DPP6: variants seen among roughly 807,000 people sequenced by gnomAD.
DPP6 encodes A-type potassium channel modulatory protein DPP6.
In DPP6, 69 loss-of-function variants were observed where a neutral mutation model predicts 122.6. The ratio of observed to expected loss-of-function variants is 0.56; its 90% CI spans 0.46 to 0.69. The LOEUF (loss-of-function observed/expected upper bound fraction) is 0.69. Ranked by LOEUF, DPP6 falls within the 30% of genes least tolerant of loss-of-function variation. DPP6 has a pLI of 0.00. For missense variants in DPP6, 928 were observed against 1,116.9 expected, an observed-to-expected ratio of 0.83 and a Z score of 2.41; for synonymous variants, 418 against 433.1, an observed-to-expected ratio of 0.97 and a Z score of 0.43.
chr7:154,645,801 G>A (rs1836426722), intron 6 of DPP6, among the ~76,000 whole-genome samples: 1 of 151,976 alleles, frequency 6.6e-6, no homozygotes, highest in Admixed American at 6.6e-5. Context: ...TGCCAAGGCG[G>A]GTGGATCACA....
At chr7:154,470,374 T>C (rs1822156647) in intron 2 of DPP6, among the ~76,000 whole-genome samples, 1 of 152,340 alleles carries the variant, frequency 6.6e-6, no homozygotes, top group Non-Finnish European at 1.5e-5. Context: ...TTATTCCAAA[T>C]TGCTCACAAA....
At chr7:154,596,033 C>T (rs1833072107) in intron 5 of DPP6, among the ~76,000 whole-genome samples, 1 of 151,878 alleles carries the variant, frequency 6.6e-6, no homozygotes, top group Admixed American at 6.5e-5. Flanking sequence ...ACACTCCTGC[C>T]TGGGTGACAG....
chr7:154,113,394 C>CATATATATAT (rs143477890), intron 1 of DPP6, among the ~76,000 whole-genome samples: 54 of 138,700 alleles, frequency 3.9e-4, no homozygotes, highest in Non-Finnish European at 5.1e-4. Flanking sequence ...TGTTTTCCTA[C>CATATATATAT]ATATATATAT....
Position 154,800,016 on chromosome 7 carries a change from A to G in DPP6, c.1300-1339A>G, listed in dbSNP as rs2150445246. Reference sequence around the variant, plus strand: ...CTGGCCAGAATTAATTATTTATTACATTTATTTAGAGTATCTTTGTCTGCC... The same window carrying G: ...CTGGCCAGAATTAATTATTTATTACGTTTATTTAGAGTATCTTTGTCTGCC... On this transcript the variant is annotated intron_variant, in intron 12 of 25. Transcript: ENST00000377770. Among the ~76,000 whole-genome samples, 3 of 152,326 alleles carry G rather than the reference A, an allele frequency of 2.0e-5. No individual in the cohort carries two copies. In the Middle Eastern group the frequency reaches 0.01, roughly 518 times the overall value.
At chr7:153,802,952 C>G in the DPP6 span, among the ~76,000 whole-genome samples, 1 of 151,918 alleles carries the variant, frequency 6.6e-6, no homozygotes, top group Admixed American at 6.6e-5. Flanking sequence ...CTTCCTCGAC[C>G]CTCTGATATG....
At chr7:154,181,621 A>G (rs1048808918) in intron 1 of DPP6, among the ~76,000 whole-genome samples, 1 of 152,208 alleles carries the variant, frequency 6.6e-6, no homozygotes, top group Non-Finnish European at 1.5e-5. Context: ...TTTAATATGT[A>G]AGGCAGCATA....
At chr7:154,314,771 A>G (rs1005628410) in intron 1 of DPP6, among the ~76,000 whole-genome samples, 11 of 152,220 alleles carry the variant, frequency 7.2e-5, no homozygotes, top group African/African-American at 2.7e-4. Context: ...CTCCAAATCA[A>G]GCAATCCTGA....
chr7:154,349,330 C>G (rs9886011), intron 1 of DPP6, among the ~76,000 whole-genome samples: 28,415 of 152,156 alleles, frequency 0.19, 5,133 homozygotes, highest in African/African-American at 0.47. Context: ...CGCACGCCAC[C>G]ACACCTGGCT....
chr7:154,409,132 A>G (rs555350191), intron 1 of DPP6, among the ~76,000 whole-genome samples: 68 of 152,344 alleles, frequency 4.5e-4, no homozygotes, highest in Non-Finnish European at 7.8e-4. Flanking sequence ...TGACAGAGTG[A>G]GACCCTGCCA....
intron 1 of DPP6, among the ~76,000 whole-genome samples, chr7:154,102,282 T>C (rs1398276392): frequency 3.9e-5 from 6 of 152,108 alleles, no homozygotes; most frequent in Admixed American, 6.5e-5. Flanking sequence ...CTTTGCCTCC[T>C]GGGTTCAAGC....
chr7:154,560,938 G>C (rs1157622045), intron 4 of DPP6, among the ~76,000 whole-genome samples: 1 of 150,254 alleles, frequency 6.7e-6, no homozygotes, highest in Admixed American at 6.6e-5. Context: ...CCAAACCCTA[G>C]TCAATGAAAA....
intron 1 of DPP6, among the ~76,000 whole-genome samples, chr7:154,328,308 G>C (rs11765165): frequency 0.16 from 24,029 of 152,126 alleles, 2,480 homozygotes; most frequent in African/African-American, 0.29. Flanking sequence ...GGCATTCCAA[G>C]GCTCTTGAAG....
intron 5 of DPP6, among the ~76,000 whole-genome samples, chr7:154,606,361 G>A (rs28700089): frequency 0.12 from 14,058 of 119,778 alleles, 4,189 homozygotes; most frequent in South Asian, 0.15. Context: ...TTAACTCTCC[G>A]TATTCCTAGC....
At chr7:154,608,738 A>G (rs570357411) in intron 5 of DPP6, among the ~76,000 whole-genome samples, 1 of 152,226 alleles carries the variant, frequency 6.6e-6, no homozygotes, top group African/African-American at 2.4e-5. Flanking sequence ...ACCTTCTGTC[A>G]ATTAGTCATA....
chr7:154,617,166 C>T (rs571499609), intron 5 of DPP6, among the ~76,000 whole-genome samples: 1 of 152,284 alleles, frequency 6.6e-6, no homozygotes, highest in African/African-American at 2.4e-5. Context: ...ACAGAGGGCC[C>T]TGCACTTTGT....
At chr7:154,560,882 TAAA>T (rs199932364) in intron 4 of DPP6, among the ~76,000 whole-genome samples, 1,487 of 127,790 alleles carry the variant, frequency 0.012, 24 homozygotes, top group African/African-American at 0.038. Flanking sequence ...GACTCCGTCT[TAAA>T]AAAAAAAAAA....
intron 17 of DPP6, among the ~76,000 whole-genome samples, chr7:154,866,124 G>C (rs1056637916): frequency 1.3e-5 from 2 of 152,224 alleles, no homozygotes; most frequent in African/African-American, 4.8e-5. Flanking sequence ...GAGCTAGCAA[G>C]GAAGATTTCA....
At position 154,238,024 on chromosome 7, in the gene DPP6, A is replaced by T. The variant is rs550528249; in HGVS notation, c.243+184961A>T. ...GTGCTGGTACTGAGTTTCCCCTCTA[A>T]GCAGAAGGGAACACTTCAGATTCCA... is the stretch of plus-strand genomic sequence containing the variant. On this transcript the variant is annotated intron_variant, in intron 1 of 25. Coordinates refer to ENST00000377770, the MANE Select transcript of DPP6 (RefSeq NM_130797.4). 7.9e-5 allele frequency among the ~76,000 whole-genome samples: 12 copies of T among 152,274 alleles called. No individual in the cohort carries two copies. In the South Asian group the frequency reaches 2.5e-3, roughly 32 times the overall value.
chr7:154,060,043 T>C (rs1230606118), intron 1 of DPP6, among the ~76,000 whole-genome samples: 3 of 150,772 alleles, frequency 2.0e-5, no homozygotes, highest in Non-Finnish European at 4.4e-5. Flanking sequence ...AGGCGGGGAC[T>C]CAGAGCCAAC....
Sources: gnomAD v4.1 joint callset for allele counts (sites outside exome capture counted in the v4.1 genomes callset) on GRCh38, gnomAD v4.1.1 for gene constraint, MANE v1.5 for transcripts, NCBI Gene and HGNC (gene_info 2026-07-23, HGNC 2026-07-21) for gene names.